RBFOX1: variants seen among roughly 807,000 people sequenced by gnomAD.
The protein encoded by RBFOX1 is RNA binding fox-1 homolog 1.
In RBFOX1, 8 loss-of-function variants were observed where a neutral mutation model predicts 57.7. The ratio of observed to expected loss-of-function variants is 0.14; its 90% CI spans 0.08 to 0.25. The LOEUF is 0.25. Ranked by LOEUF, RBFOX1 falls within the 10% of genes least tolerant of loss-of-function variation. RBFOX1 has a pLI of 1.00. For synonymous variants in RBFOX1, 326 were observed against 222.4 expected (o/e 1.47, Z -4.15); for missense variants, 611 against 548.5 (o/e 1.11, Z -1.14).
chr16:7,692,876 AGCACTT>A (rs1359765085), intron 14 of RBFOX1, among the ~76,000 whole-genome samples: 1 of 125,954 alleles, frequency 7.9e-6, no homozygotes, highest in Non-Finnish European at 1.7e-5. Context: ...CTGAAATGAC[AGCACTT>A]TTTCTTATTT....
chr16:6,043,386 G>T (rs551074772), intron 1 of RBFOX1, among the ~76,000 whole-genome samples: 1 of 152,228 alleles, frequency 6.6e-6, no homozygotes, highest in South Asian at 2.1e-4. Flanking sequence ...ATATGTCAAA[G>T]AAACATTTTG....
At chr16:7,130,231 G>A (rs372303165) in intron 4 of RBFOX1, among the ~76,000 whole-genome samples, 48 of 151,836 alleles carry the variant, frequency 3.2e-4, no homozygotes, top group African/African-American at 9.2e-4. Flanking sequence ...GTGGAGTTTC[G>A]CCATATTTGG....
intron 4 of RBFOX1, among the ~76,000 whole-genome samples, chr16:7,441,018 G>T (rs774464073): frequency 6.6e-6 from 1 of 151,292 alleles, no homozygotes; most frequent in East Asian, 2.0e-4. Flanking sequence ...CTTCAGCATG[G>T]GTGACAGAGG....
chr16:6,396,618 G>A (rs1286993774), intron 2 of RBFOX1, among the ~76,000 whole-genome samples: 2 of 152,180 alleles, frequency 1.3e-5, no homozygotes, highest in African/African-American at 4.8e-5. Context: ...ATGGGAGTGT[G>A]AATCCAGCAA....
In RBFOX1 at chr16:5,312,456, T is replaced by A. The variant is rs540613594; in HGVS notation, c.219+72351T>A. The stretch of plus-strand genomic sequence containing the variant: ...GCCTCAGCCTCCTGAGTAGCTGGGA[T>A]TACAGGTGCCTGCCCGTGACCACTA... On this transcript the variant is annotated intron_variant, in intron 1 of 2. Coordinates refer to the RBFOX1 transcript ENST00000585867. Among the ~76,000 whole-genome samples, 3 of 152,244 alleles carry A rather than the reference T, an allele frequency of 2.0e-5. No individual in the cohort carries two copies. The East Asian group carries it at 5.8e-4, about 29-fold the overall frequency.
intron 5 of RBFOX1, among the ~76,000 whole-genome samples, chr16:7,523,276 G>T (rs1267832182): frequency 6.6e-6 from 1 of 152,122 alleles, no homozygotes; most frequent in Non-Finnish European, 1.5e-5. Flanking sequence ...TTGGGTAATG[G>T]AGAAATAAAT....
intron 2 of RBFOX1, among the ~76,000 whole-genome samples, chr16:6,537,699 A>C (rs544960599): frequency 2.6e-5 from 4 of 152,060 alleles, no homozygotes; most frequent in African/African-American, 9.7e-5. Context: ...TACAAATATT[A>C]ATTGAGTTCC....
chr16:5,784,580 T>A (rs1340841204), intron 3 of RBFOX1, among the ~76,000 whole-genome samples: 1 of 152,184 alleles, frequency 6.6e-6, no homozygotes, highest in Non-Finnish European at 1.5e-5. Flanking sequence ...AAACTCTTCA[T>A]GAGAATTCCA....
At chr16:6,669,244 G>A (rs1359622019) in intron 3 of RBFOX1, among the ~76,000 whole-genome samples, 1 of 152,106 alleles carries the variant, frequency 6.6e-6, no homozygotes, top group African/African-American at 2.4e-5. Context: ...TCAAGGGTGG[G>A]GTGGGAAACC....
At chr16:5,312,882 G>A (rs1283431174) in intron 1 of RBFOX1, among the ~76,000 whole-genome samples, 1 of 152,200 alleles carries the variant, frequency 6.6e-6, no homozygotes, top group Non-Finnish European at 1.5e-5. Context: ...ACTGCAGATT[G>A]CAGGATCTGA....
At chr16:6,935,057 C>G (rs1009714397) in intron 3 of RBFOX1, among the ~76,000 whole-genome samples, 42 of 152,030 alleles carry the variant, frequency 2.8e-4, no homozygotes, top group African/African-American at 1.0e-3. Context: ...TTCCACTGCA[C>G]TCCAGCCTGC....
chr16:7,160,817 C>CCTCCGTCTCCCCCTTTCTT, intron 4 of RBFOX1, among the ~76,000 whole-genome samples: 2 of 136,822 alleles, frequency 1.5e-5, no homozygotes, highest in African/African-American at 5.7e-5. Flanking sequence ...TCTTCTCCCT[C>CCTCCGTCTCCCCCTTTCTT]CTCCCTCCTC....
At chr16:6,152,427 A>C (rs142030159) in intron 1 of RBFOX1, among the ~76,000 whole-genome samples, 2,801 of 152,226 alleles carry the variant, frequency 0.018, 46 homozygotes, top group South Asian at 0.033. Context: ...AGGCCTGTTT[A>C]CTTCAAGGTA....
chr16:6,586,497 C>G (rs550626889), intron 2 of RBFOX1, among the ~76,000 whole-genome samples: 16 of 152,140 alleles, frequency 1.1e-4, no homozygotes, highest in East Asian at 5.8e-4. Flanking sequence ...CTTGAATGGC[C>G]TTAAGGAAAA....
At chr16:5,473,821 G>T (rs2069224181) in intron 2 of RBFOX1, among the ~76,000 whole-genome samples, 1 of 149,308 alleles carries the variant, frequency 6.7e-6, no homozygotes, top group African/African-American at 2.5e-5. Context: ...TGGGTGGAAG[G>T]ATAGATGTAA....
At chr16:7,070,385 C>T (rs1278156788) in intron 4 of RBFOX1, among the ~76,000 whole-genome samples, 1 of 152,162 alleles carries the variant, frequency 6.6e-6, no homozygotes, top group Non-Finnish European at 1.5e-5. Context: ...CAGATGCACC[C>T]ACGCATACAC....
rs375358192 is a variant in RBFOX1, at chr16:6,346,635, T to A, written c.-64+29578T>A. ...TCCGATGGCAGCCTGATTCTCGAAT[T>A]GTTCCTTGCTCAATTAAACTCTGTT... is the stretch of plus-strand genomic sequence containing the variant. On this transcript the variant is annotated intron_variant, in intron 2 of 15. Transcript: ENST00000550418. Among the ~76,000 whole-genome samples the A allele has an allele frequency of 4.3e-4, 65 of 152,346 alleles. 2 individuals carry two copies. In the South Asian group the frequency reaches 0.011, roughly 27 times the overall value.
At chr16:6,854,587 ATT>A (rs71147611) in intron 3 of RBFOX1, among the ~76,000 whole-genome samples, 731 of 70,606 alleles carry the variant, frequency 0.01, 4 homozygotes, top group African/African-American at 0.034. Context: ...GGAGAGGTGA[ATT>A]TTTTTTTTTT....
intron 1 of RBFOX1, among the ~76,000 whole-genome samples, chr16:6,138,244 C>T (rs1275818951): frequency 1.3e-5 from 2 of 152,224 alleles, no homozygotes; most frequent in Admixed American, 6.5e-5. Context: ...TGATGTTCTG[C>T]TGTTGCCTTT....
Sources: allele counts gnomAD v4.1 joint callset (sites outside exome capture counted in the v4.1 genomes callset), GRCh38; gene constraint gnomAD v4.1.1; transcripts MANE v1.5; gene names NCBI Gene and HGNC (gene_info 2026-07-23, HGNC 2026-07-21).